CYP4F22: variants seen among roughly 807,000 people sequenced by gnomAD.
CYP4F22 encodes the protein ultra-long-chain fatty acid omega-hydroxylase.
In CYP4F22, 37 loss-of-function variants were observed where a neutral mutation model predicts 60.4. That is an observed-to-expected ratio of 0.61 (90% confidence interval 0.47 to 0.81). CYP4F22 has a LOEUF of 0.81. CYP4F22 is among the 30% of genes least tolerant of loss of function. The pLI is 0.00. For missense variants in CYP4F22, 655 were observed against 715.0 expected (o/e 0.92, Z 0.96); for synonymous variants, 258 against 280.5 (o/e 0.92, Z 0.80).
rs958935683 is a variant in CYP4F22, at chr19:15,525,578, ACTGGG to A, written c.222+37_222+41del. The A allele has an allele frequency of 1.4e-5, 22 of 1,602,000 alleles. No homozygotes were observed. Among genetic ancestry groups the A allele is most frequent in the Admixed American group, 1.7e-5 (1 of 59,804 alleles). ...GGCATGGTAAGTGTGGCCAGGCAGG[ACTGGG>A]CTGGGCTGGGCTGGGCATGTGCAGG... is the stretch of plus-strand genomic sequence containing the variant. On this transcript the variant is annotated intron_variant, in intron 3 of 13. Coordinates refer to ENST00000269703, the MANE Select transcript of CYP4F22 (RefSeq NM_173483.4).
At chr19:15,537,847 C>G (rs1359097799) in intron 6 of CYP4F22, 25 bp from the exon 7 acceptor site, 1 of 1,613,084 alleles carries the variant, frequency 6.2e-7, no homozygotes, top group African/African-American at 1.3e-5. Context: ...TTTCCATGCA[C>G]AGTCACCATG....
In CYP4F22 at chr19:15,533,591, CTTTTTT is replaced by C. The variant is rs34585637; in HGVS notation, c.368-3753_368-3748del. Among the ~76,000 whole-genome samples, 584 of 91,458 alleles carry C rather than the reference CTTTTTT, an allele frequency of 6.4e-3. 3 individuals are homozygous for C. Among genetic ancestry groups the C allele is most frequent in the African/African-American group, 0.025 (554 of 22,238 alleles). The allele number at this position is 91,458 out of a possible 152,430, so 60.0% of individuals were successfully genotyped here. ...CGTTGTAGTAGGAATCAGTTTCATT[CTTTTTT>C]TTTTTTTTTTTTTTTTGAGACAGGG... On this transcript the variant is annotated intron_variant, in intron 4 of 13. Coordinates refer to ENST00000269703, the MANE Select transcript of CYP4F22 (RefSeq NM_173483.4).
intron 4 of CYP4F22, 99 bp from the exon 5 acceptor site, chr19:15,537,262 C>T (rs1971405541): frequency 2.0e-6 from 3 of 1,505,458 alleles, no homozygotes; most frequent in South Asian, 2.3e-5. Context: ...GATCGCACCA[C>T]TGCACTCCAG....
Position 15,540,442 on chromosome 19 carries a change from C to T in CYP4F22, c.672-8C>T. Reference sequence around the variant, plus strand: ...GGCTACACTCATGGATCCCCTTCTCCTTGGCAGGAAGATGAGTGATTATAT... The same window carrying T: ...GGCTACACTCATGGATCCCCTTCTCTTTGGCAGGAAGATGAGTGATTATAT... On this transcript the variant is annotated splice_polypyrimidine_tract_variant and splice_region_variant and intron_variant, in intron 7 of 13. Coordinates refer to ENST00000269703, the MANE Select transcript of CYP4F22 (RefSeq NM_173483.4). 1.2e-6 allele frequency: 2 copies of T among 1,614,150 alleles called. No individual in the cohort carries two copies. Among genetic ancestry groups the T allele is most frequent in the Non-Finnish European group, 8.5e-7 (1 of 1,180,040 alleles).
chr19:15,538,107 C>T (rs975318567), intron 7 of CYP4F22, 114 bp downstream of exon 7: 59 of 1,440,954 alleles, frequency 4.1e-5, no homozygotes, highest in South Asian at 7.1e-5. Flanking sequence ...AGCTCTGCCA[C>T]GGATGGGCCA....
chr19:15,516,427 C>T (rs1180473812), intron 1 of CYP4F22, among the ~76,000 whole-genome samples: 2 of 152,196 alleles, frequency 1.3e-5, no homozygotes, highest in African/African-American at 4.8e-5. Flanking sequence ...GGTCTTGCTT[C>T]AGCCAATGGA....
At chr19:15,524,832 T>G (rs1971263275) in intron 2 of CYP4F22, among the ~76,000 whole-genome samples, 1 of 152,018 alleles carries the variant, frequency 6.6e-6, no homozygotes, top group East Asian at 1.9e-4. Flanking sequence ...TCATCTCAAC[T>G]GAAAAAGAAG....
intron 8 of CYP4F22, among the ~76,000 whole-genome samples, chr19:15,541,718 T>A (rs1971464616): frequency 6.6e-6 from 1 of 151,070 alleles, no homozygotes; most frequent in African/African-American, 2.4e-5. Flanking sequence ...CCATCTCTAC[T>A]AAAAATACAA....
At chr19:15,536,688 T>C (rs1971398206) in intron 4 of CYP4F22, among the ~76,000 whole-genome samples, 1 of 152,186 alleles carries the variant, frequency 6.6e-6, no homozygotes, top group Non-Finnish European at 1.5e-5. Flanking sequence ...CAGCTCAACC[T>C]GGTCAAAGGT....
chr19:15,526,366 T>C (rs1367064578), intron 3 of CYP4F22, among the ~76,000 whole-genome samples: 2 of 152,148 alleles, frequency 1.3e-5, no homozygotes, highest in South Asian at 4.1e-4. Flanking sequence ...TGCATTGAAT[T>C]TTTTTCTTTT....
In CYP4F22 at chr19:15,525,529, C is replaced by A; in HGVS notation, c.193C>A (p.Arg65Ser). 1 of 1,611,082 alleles carries A rather than the reference C, an allele frequency of 6.2e-7. No homozygotes were observed. Among genetic ancestry groups the A allele is most frequent in the Non-Finnish European group, 8.5e-7 (1 of 1,179,868 alleles). Residue 65 changes from arginine (R) to serine (S), a missense_variant, in exon 3 of 14, where the codon CGC becomes AGC. Coordinates refer to ENST00000269703, the MANE Select transcript of CYP4F22 (RefSeq NM_173483.4). ...GCGCTGCTTCCCCCAGCCTCCCCGG[C>A]GCAACTGGCTGCTGGGCCACCTGGG... ...RLRCFPQPPRRNWLLGHLGMY... is the reference protein window; with the variant it reads ...RLRCFPQPPRSNWLLGHLGMY...
intron 4 of CYP4F22, among the ~76,000 whole-genome samples, chr19:15,530,630 C>G (rs912953962): frequency 6.6e-6 from 1 of 152,054 alleles, no homozygotes; most frequent in Non-Finnish European, 1.5e-5. Flanking sequence ...CTGGGGAGGC[C>G]TCAGAAAACT....
chr19:15,511,393 A>T (rs1159751791), intron 1 of CYP4F22, among the ~76,000 whole-genome samples: 1 of 150,502 alleles, frequency 6.6e-6, no homozygotes, highest in Non-Finnish European at 1.5e-5. Flanking sequence ...CAGGACGGGG[A>T]GGTTGCAGTG....
intron 1 of CYP4F22, among the ~76,000 whole-genome samples, chr19:15,515,906 G>A (rs1337262136): frequency 5.9e-5 from 9 of 151,964 alleles, no homozygotes; most frequent in Non-Finnish European, 1.3e-4. Context: ...TGTATTTTTA[G>A]TAGAGATGGG....
At chr19:15,548,344 C>CATCTGCAGGGATAG in intron 11 of CYP4F22, 103 bp downstream of exon 11, 1 of 1,531,966 alleles carries the variant, frequency 6.5e-7, no homozygotes, top group Non-Finnish European at 9.0e-7. Flanking sequence ...TGCACTATCC[C>CATCTGCAGGGATAG]TGCAGATGGG....
At chr19:15,543,699 A>T (rs1170644742) in intron 8 of CYP4F22, among the ~76,000 whole-genome samples, 1 of 152,088 alleles carries the variant, frequency 6.6e-6, no homozygotes, top group Non-Finnish European at 1.5e-5. Context: ...TCTACTAAAA[A>T]TACAAAAATT....
At chr19:15,520,361 A>C (rs1327848869) in intron 1 of CYP4F22, among the ~76,000 whole-genome samples, 21 of 148,314 alleles carry the variant, frequency 1.4e-4, no homozygotes, top group African/African-American at 3.5e-4. Flanking sequence ...AAAAAAAAAA[A>C]CAAAAACTAA....
intron 7 of CYP4F22, among the ~76,000 whole-genome samples, chr19:15,538,703 T>C (rs1413428838): frequency 1.3e-5 from 2 of 152,198 alleles, no homozygotes; most frequent in Non-Finnish European, 2.9e-5. Flanking sequence ...ACTTCGTTAC[T>C]CTAGGCATTA....
In CYP4F22 at chr19:15,537,393, G is replaced by A. The variant is rs954923071; in HGVS notation, c.400G>A (p.Gly134Ser). The change falls in exon 5 of 14, where the codon GGC (glycine) becomes AGC (serine). Residue 134 changes from glycine (G) to serine (S), a missense_variant. Physicochemically the swap from Gly to Ser is moderately conservative, Grantham distance 56. Around this residue, in one of 3 missense-constraint regions of CYP4F22, gnomAD observed 430 missense variants for 457.1 expected, o/e 0.94. Coordinates refer to ENST00000269703, the MANE Select transcript of CYP4F22 (RefSeq NM_173483.4). ...AIAPKDDLFY[G>S]FLKPWLGDGL... ...CGCCCCCAAGGATGACCTCTTCTAT[G>A]GCTTCCTAAAACCTTGGCTAGGTGA... 6.2e-7 allele frequency: 1 copy of A among 1,614,170 alleles called. No homozygotes were observed. The highest frequency in any genetic ancestry group is 8.5e-7 in the Non-Finnish European group (1 of 1,180,028).
Sources: allele counts gnomAD v4.1 joint callset (sites outside exome capture counted in the v4.1 genomes callset), GRCh38; gene constraint gnomAD v4.1.1; regional missense constraint gnomAD v4.1.1; transcripts MANE v1.5; gene names NCBI Gene and HGNC (gene_info 2026-07-23, HGNC 2026-07-21).